Variants in NLGN1 observed in about 807,000 individuals in gnomAD.
NLGN1 encodes neuroligin 1, also known as neuroligin-1.
Under a neutral mutation model 65.5 loss-of-function variants are expected in NLGN1, and 12 were observed. That is an observed-to-expected ratio of 0.18 (90% CI 0.12 to 0.30). The LOEUF is 0.30. Ranked by LOEUF, NLGN1 falls within the 10% of genes least tolerant of loss-of-function variation. NLGN1 has a pLI of 1.00. For synonymous variants in NLGN1, 350 were observed against 359.5 expected (o/e 0.97, Z 0.30); for missense variants, 750 against 1,007.1 (o/e 0.74, Z 3.46).
At chr3:174,085,010 T>C (rs761419583) in intron 4 of NLGN1, among the ~76,000 whole-genome samples, 1 of 152,008 alleles carries the variant, frequency 6.6e-6, no homozygotes, top group Non-Finnish European at 1.5e-5. Context: ...TAGCGAAAAT[T>C]CTTGAAAGAA....
chr3:174,230,491 CTT>C (rs1260490121), intron 4 of NLGN1, among the ~76,000 whole-genome samples: 4 of 152,052 alleles, frequency 2.6e-5, no homozygotes, highest in African/African-American at 9.7e-5. Flanking sequence ...ATTTACCTAT[CTT>C]AAAATATGAA....
intron 4 of NLGN1, among the ~76,000 whole-genome samples, chr3:174,271,952 G>T (rs114451896): frequency 2.9e-3 from 441 of 151,522 alleles, no homozygotes; most frequent in Non-Finnish European, 5.2e-3. Context: ...TTGAATTTTT[G>T]GGGGGAAAAT....
At chr3:173,506,879 T>C (rs970131186) in intron 2 of NLGN1, among the ~76,000 whole-genome samples, 2 of 152,080 alleles carry the variant, frequency 1.3e-5, no homozygotes, top group Non-Finnish European at 2.9e-5. Flanking sequence ...AGGAGGAGAC[T>C]CTAGTTTTTA....
rs1241479938 is a variant in NLGN1 at position 173,657,662 on chromosome 3, T to C, written c.493+52571T>C. Among the ~76,000 whole-genome samples, 5 of 152,048 alleles carry C rather than the reference T, an allele frequency of 3.3e-5. No individual in the cohort carries two copies. The South Asian group carries it at 1.0e-3, about 32-fold the overall frequency. On this transcript the variant is annotated intron_variant, in intron 3 of 6. Transcript: ENST00000457714. ...TGTTTTATGATGTTTTAAAATGTGA[T>C]GCATATATTTTGCCCTCAGCTAAAA...
At chr3:173,852,732 T>C (rs1727215858) in intron 4 of NLGN1, among the ~76,000 whole-genome samples, 1 of 152,222 alleles carries the variant, frequency 6.6e-6, no homozygotes, top group African/African-American at 2.4e-5. Flanking sequence ...GGAAATTTCC[T>C]TTTCTTTCTA....
intron 4 of NLGN1, among the ~76,000 whole-genome samples, chr3:174,204,291 T>G (rs867385598): frequency 6.6e-6 from 1 of 152,198 alleles, no homozygotes; most frequent in Non-Finnish European, 1.5e-5. Context: ...GATTTTAACA[T>G]TGTACAACAC....
In NLGN1 at chr3:173,538,490, G is replaced by A. The variant is rs563670929; in HGVS notation, c.-320-65789G>A. 5.3e-5 allele frequency among the ~76,000 whole-genome samples: 8 copies of A among 152,272 alleles called. No individual in the cohort carries two copies. In the East Asian group the frequency reaches 5.8e-4, roughly 11 times the overall value. On this transcript the variant is annotated intron_variant, in intron 2 of 6. Coordinates refer to ENST00000457714, the Ensembl canonical transcript of NLGN1. ...GATAGCTTTGGTAGAAACGTTATGC[G>A]CAGAGAAGGCAAATCTAAATCCAGG...
intron 4 of NLGN1, among the ~76,000 whole-genome samples, chr3:174,266,032 G>C (rs1012991588): frequency 7.7e-6 from 1 of 129,748 alleles, no homozygotes; most frequent in South Asian, 2.5e-4. Context: ...GTGTGTGTGT[G>C]TATATATATA....
chr3:174,233,197 A>G (rs1741044133), intron 4 of NLGN1, among the ~76,000 whole-genome samples: 1 of 152,056 alleles, frequency 6.6e-6, no homozygotes, highest in Admixed American at 6.5e-5. Flanking sequence ...AAAAAAGTTC[A>G]AGGTGCCAGG....
chr3:173,988,536 G>A (rs992838109), intron 4 of NLGN1, among the ~76,000 whole-genome samples: 3 of 152,118 alleles, frequency 2.0e-5, no homozygotes, highest in African/African-American at 7.2e-5. Flanking sequence ...ACCTTAACAG[G>A]AAGAATAGGG....
chr3:173,476,401 C>T (rs558885302), intron 2 of NLGN1, among the ~76,000 whole-genome samples: 1 of 152,268 alleles, frequency 6.6e-6, no homozygotes, highest in South Asian at 2.1e-4. Flanking sequence ...TAACTACATA[C>T]ATAATTATAA....
intron 4 of NLGN1, among the ~76,000 whole-genome samples, chr3:173,937,441 T>C (rs1026323415): frequency 6.6e-6 from 1 of 152,096 alleles, no homozygotes; most frequent in East Asian, 1.9e-4. Context: ...AGATTTATCA[T>C]TGAGTCCAGG....
chr3:173,451,349 T>G (rs1176753665), intron 2 of NLGN1, among the ~76,000 whole-genome samples: 3 of 152,180 alleles, frequency 2.0e-5, no homozygotes, highest in Admixed American at 6.5e-5. Context: ...TGCCTGGGTA[T>G]CAGCAGCGGC....
At chr3:174,147,630 T>C (rs548903913) in intron 4 of NLGN1, among the ~76,000 whole-genome samples, 3 of 151,866 alleles carry the variant, frequency 2.0e-5, no homozygotes, top group African/African-American at 7.2e-5. Flanking sequence ...GAGACAGGGT[T>C]TCACATTTTT....
In NLGN1 at chr3:174,207,671, G is replaced by A. The variant is rs75449344; in HGVS notation, c.647-67644G>A. 5.3e-3 allele frequency among the ~76,000 whole-genome samples: 804 copies of A among 152,248 alleles called. 5 individuals are homozygous for A. Among genetic ancestry groups the A allele is most frequent in the African/African-American group, 0.018 (751 of 41,536 alleles). Reference sequence around the variant, plus strand: ...CTTATCTCATTCTTCAAGTAAGACAGTCAGAGACAATTGTCCCCAAAGATA... The same window carrying A: ...CTTATCTCATTCTTCAAGTAAGACAATCAGAGACAATTGTCCCCAAAGATA... On this transcript the variant is annotated intron_variant, in intron 4 of 6. Transcript: ENST00000457714.
intron 3 of NLGN1, among the ~76,000 whole-genome samples, chr3:173,792,679 A>G (rs145292142): frequency 1.8e-4 from 28 of 152,268 alleles, no homozygotes; most frequent in Non-Finnish European, 3.7e-4. Context: ...TTAAGAGATA[A>G]AATGTGCAGA....
chr3:174,270,158 G>T, intron 4 of NLGN1, among the ~76,000 whole-genome samples: 1 of 124,384 alleles, frequency 8.0e-6, no homozygotes, highest in Non-Finnish European at 1.7e-5. Flanking sequence ...CAGATGTTTT[G>T]AAGTTTGATG....
chr3:173,578,995 A>G (rs1232987848), intron 2 of NLGN1, among the ~76,000 whole-genome samples: 1 of 152,252 alleles, frequency 6.6e-6, no homozygotes, highest in East Asian at 1.9e-4. Context: ...AGAAAACAGA[A>G]TCTTAATTAT....
At chr3:173,997,005 T>C (rs182589866) in intron 4 of NLGN1, among the ~76,000 whole-genome samples, 1 of 152,228 alleles carries the variant, frequency 6.6e-6, no homozygotes, top group Non-Finnish European at 1.5e-5. Flanking sequence ...TTGTGACATA[T>C]TAGTGAGTGA....
Sources: allele counts gnomAD v4.1 joint callset (sites outside exome capture counted in the v4.1 genomes callset), GRCh38; gene constraint gnomAD v4.1.1; transcripts MANE v1.5; gene names NCBI Gene and HGNC (gene_info 2026-07-23, HGNC 2026-07-21).